CRACDL: variants seen among roughly 807,000 people sequenced by gnomAD.
CRACDL encodes the protein CRACD-like protein.
Under a neutral mutation model 70.6 loss-of-function variants are expected in CRACDL, and 26 were observed. That is an observed-to-expected ratio of 0.37 (90% CI 0.27 to 0.51). CRACDL has a LOEUF of 0.51. CRACDL is among the 20% of genes least tolerant of loss of function. The probability of loss-of-function intolerance (pLI) is 0.94; values close to 1 mark genes in which losing one functional copy is unlikely to be tolerated. For missense variants in CRACDL, 1,283 were observed against 1,376.9 expected (o/e 0.93, Z 1.08); for synonymous variants, 618 against 615.2 (o/e 1.00, Z -0.07).
chr2:98,905,061 T>G (rs920047727), intron 1 of CRACDL, among the ~76,000 whole-genome samples: 4 of 151,832 alleles, frequency 2.6e-5, no homozygotes, highest in African/African-American at 4.8e-5. Flanking sequence ...CCATCCTGGC[T>G]AACACAGTGA....
At chr2:98,814,608 T>C (rs1016765079) in intron 7 of CRACDL, among the ~76,000 whole-genome samples, 2 of 152,188 alleles carry the variant, frequency 1.3e-5, no homozygotes, top group Non-Finnish European at 2.9e-5. Flanking sequence ...GAATGTCCCA[T>C]GTGCACTTGA....
chr2:98,861,444 A>T (rs1270549159), intron 1 of CRACDL, among the ~76,000 whole-genome samples: 1 of 152,208 alleles, frequency 6.6e-6, no homozygotes, highest in Non-Finnish European at 1.5e-5. Flanking sequence ...CGTTGCAAGG[A>T]TGTGAGGAAA....
rs571040655 is a variant in CRACDL, at chr2:98,834,176, A to G, written c.240-1179T>C. On this transcript the variant is annotated intron_variant, in intron 3 of 9. Coordinates refer to ENST00000397899, the MANE Select transcript of CRACDL (RefSeq NM_207362.3). ...CCATGGCCCACACTCTCTGGGAACC[A>G]CAACCACCACCCAAGCACCTCCGCT... Among the ~76,000 whole-genome samples, 114 of 152,220 alleles carry G rather than the reference A, an allele frequency of 7.5e-4. 1 individual carries two copies. Among genetic ancestry groups the G allele is most frequent in the Non-Finnish European group, 1.1e-3 (72 of 68,040 alleles).
In CRACDL at chr2:98,803,993, G is replaced by A. The variant is rs183395156; in HGVS notation, c.2417-6456C>T. On this transcript the variant is annotated intron_variant, in intron 7 of 9. Transcript: ENST00000397899. ...GTTTGTCAGGCTTCCTAGATAAACA[G>A]CTTGAGGGGTTTTGCTTTTTAAAAG... 4.9e-3 allele frequency among the ~76,000 whole-genome samples: 753 copies of A among 152,290 alleles called. 1 individual carries two copies. The highest frequency in any genetic ancestry group is 0.016 in the African/African-American group (676 of 41,564).
chr2:98,846,858 T>A, intron 1 of CRACDL, 48 bp from the exon 2 acceptor site: 2 of 1,479,648 alleles, frequency 1.4e-6, no homozygotes, highest in Non-Finnish European at 1.9e-6. Flanking sequence ...TTAGCAGAAG[T>A]TACCAATGAG....
chr2:98,795,117 C>A (rs1315556091), intron 9 of CRACDL, among the ~76,000 whole-genome samples: 9 of 125,716 alleles, frequency 7.2e-5, no homozygotes, highest in African/African-American at 2.4e-4. Flanking sequence ...ACTGTGTTGC[C>A]CAGGCTGGAG....
chr2:98,919,591 A>G (rs1475007559), intron 1 of CRACDL, among the ~76,000 whole-genome samples: 1 of 152,176 alleles, frequency 6.6e-6, no homozygotes, highest in Non-Finnish European at 1.5e-5. Context: ...TTTAATCCAC[A>G]TGGAATATAT....
At chr2:98,864,954 C>G (rs184658041) in intron 1 of CRACDL, among the ~76,000 whole-genome samples, 1 of 152,310 alleles carries the variant, frequency 6.6e-6, no homozygotes, top group Admixed American at 6.5e-5. Context: ...AAAGTTGATA[C>G]AATTTGTTTC....
intron 2 of CRACDL, among the ~76,000 whole-genome samples, chr2:98,843,228 C>T (rs542512886): frequency 3.7e-4 from 57 of 152,198 alleles, no homozygotes; most frequent in African/African-American, 1.3e-3. Context: ...ATTTGCTCCC[C>T]ATTTTGTAAC....
chr2:98,909,970 C>T (rs962322736), intron 1 of CRACDL, among the ~76,000 whole-genome samples: 4 of 152,298 alleles, frequency 2.6e-5, no homozygotes, highest in Admixed American at 1.3e-4. Context: ...CATTTTGCCC[C>T]GATTCCCACC....
intron 1 of CRACDL, among the ~76,000 whole-genome samples, chr2:98,914,469 G>C (rs941170930): frequency 6.6e-6 from 1 of 152,260 alleles, no homozygotes; most frequent in Admixed American, 6.5e-5. Flanking sequence ...ATCAGGTTAC[G>C]GAAGTTGAGT....
chr2:98,877,520 C>T (rs139071067), intron 1 of CRACDL, among the ~76,000 whole-genome samples: 33 of 152,128 alleles, frequency 2.2e-4, no homozygotes, highest in Admixed American at 9.8e-4. Context: ...CCGAGGCAGG[C>T]GGATTACCTG....
intron 1 of CRACDL, among the ~76,000 whole-genome samples, chr2:98,918,715 G>T (rs550610544): frequency 6.3e-4 from 96 of 151,924 alleles, no homozygotes; most frequent in African/African-American, 2.2e-3. Context: ...TCATATGCTT[G>T]TTGATCATTC....
intron 1 of CRACDL, among the ~76,000 whole-genome samples, chr2:98,864,773 C>T (rs1387592683): frequency 1.3e-5 from 2 of 152,178 alleles, no homozygotes; most frequent in African/African-American, 2.4e-5. Context: ...TTTTGAACTC[C>T]TGACCTCAGG....
chr2:98,907,532 C>T (rs1455987265), intron 1 of CRACDL, among the ~76,000 whole-genome samples: 1 of 152,196 alleles, frequency 6.6e-6, no homozygotes, highest in African/African-American at 2.4e-5. Flanking sequence ...CTCCTCTCCA[C>T]TACCATCCCC....
intron 3 of CRACDL, among the ~76,000 whole-genome samples, chr2:98,837,052 T>G (rs1575370016): frequency 7.0e-6 from 1 of 142,096 alleles, no homozygotes; most frequent in African/African-American, 2.7e-5. Flanking sequence ...GCCACCGCAC[T>G]CCAGCCTGGG....
chr2:98,856,223 A>G (rs1270675056), intron 1 of CRACDL, among the ~76,000 whole-genome samples: 1 of 152,186 alleles, frequency 6.6e-6, no homozygotes, highest in Non-Finnish European at 1.5e-5. Context: ...GCAGCAAGAG[A>G]AAAGAGTTAT....
chr2:98,845,772 T>C (rs1706230596), intron 2 of CRACDL, among the ~76,000 whole-genome samples: 1 of 152,178 alleles, frequency 6.6e-6, no homozygotes. Context: ...TATGAGAAAA[T>C]GTGAAACTCA....
chr2:98,895,504 G>T (rs573828180), intron 1 of CRACDL, among the ~76,000 whole-genome samples: 4 of 152,176 alleles, frequency 2.6e-5, no homozygotes, highest in Admixed American at 6.5e-5. Context: ...GTAGAGGCCC[G>T]GAGGCAGGGG....
Sources: allele counts gnomAD v4.1 joint callset (sites outside exome capture counted in the v4.1 genomes callset), GRCh38; gene constraint gnomAD v4.1.1; transcripts MANE v1.5; gene names NCBI Gene and HGNC (gene_info 2026-07-23, HGNC 2026-07-21).